Variants in DLG2 observed in about 807,000 individuals in gnomAD.
DLG2 encodes disks large homolog 2.
Under a neutral mutation model 132.5 loss-of-function variants are expected in DLG2, and 45 were observed. The observed-to-expected ratio is 0.34, with a 90% CI of 0.27 to 0.44. DLG2 has a LOEUF of 0.44. DLG2 is among the 20% of genes least tolerant of loss of function. The pLI is 1.00. For synonymous variants in DLG2, 424 were observed against 419.6 expected, an observed-to-expected ratio of 1.01 and a Z score of -0.13; for missense variants, 1,045 against 1,196.9, an observed-to-expected ratio of 0.87 and a Z score of 1.87.
At chr11:85,353,658 A>G (rs547135040) in intron 3 of DLG2, among the ~76,000 whole-genome samples, 13 of 152,324 alleles carry the variant, frequency 8.5e-5, no homozygotes, top group Admixed American at 7.2e-4. Flanking sequence ...CTATGCAGCT[A>G]TAAAGAAGGA....
At chr11:83,512,324 C>T (rs948677443) in intron 21 of DLG2, among the ~76,000 whole-genome samples, 4 of 152,074 alleles carry the variant, frequency 2.6e-5, no homozygotes, top group Admixed American at 6.5e-5. Flanking sequence ...GAAATACATT[C>T]GAGACGCAGT....
At chr11:84,994,072 G>T (rs1027951002) in intron 6 of DLG2, among the ~76,000 whole-genome samples, 1 of 152,142 alleles carries the variant, frequency 6.6e-6, no homozygotes, top group Non-Finnish European at 1.5e-5. Flanking sequence ...ATTTAAAAAA[G>T]TGACACTTTG....
chr11:85,012,289 A>G (rs61909105), intron 6 of DLG2, among the ~76,000 whole-genome samples: 1 of 73,788 alleles, frequency 1.4e-5, no homozygotes, highest in South Asian at 4.0e-4. Flanking sequence ...CACTTTGGGA[A>G]GCTAAGGCGG....
At chr11:84,114,009 C>T (rs1796205534) in intron 9 of DLG2, among the ~76,000 whole-genome samples, 1 of 151,804 alleles carries the variant, frequency 6.6e-6, no homozygotes, top group Non-Finnish European at 1.5e-5. Context: ...TTAAATTAAG[C>T]CAGACATTAA....
chr11:85,013,914 G>C (rs1474719954), intron 6 of DLG2, among the ~76,000 whole-genome samples: 1 of 152,076 alleles, frequency 6.6e-6, no homozygotes, highest in Non-Finnish European at 1.5e-5. Flanking sequence ...ATTAGAATGA[G>C]TGATTTTTCT....
At chr11:84,078,443 T>G (rs750123491) in intron 10 of DLG2, among the ~76,000 whole-genome samples, 7 of 152,210 alleles carry the variant, frequency 4.6e-5, no homozygotes, top group Non-Finnish European at 8.8e-5. Context: ...AGTCACCGAC[T>G]TTCTCATGCC....
intron 7 of DLG2, among the ~76,000 whole-genome samples, chr11:84,356,761 C>G (rs2098614954): frequency 6.6e-6 from 1 of 151,748 alleles, no homozygotes; most frequent in Non-Finnish European, 1.5e-5. Context: ...GAAAGAGGAT[C>G]AGATAATGCC....
chr11:84,176,863 TTG>T (rs1257015478), intron 8 of DLG2, among the ~76,000 whole-genome samples: 3 of 151,420 alleles, frequency 2.0e-5, no homozygotes, highest in South Asian at 2.1e-4. Flanking sequence ...GCTTGCTTGC[TTG>T]CTCTCTCTCT....
At chr11:83,665,366 G>A (rs1329666870) in intron 18 of DLG2, among the ~76,000 whole-genome samples, 2 of 152,188 alleles carry the variant, frequency 1.3e-5, no homozygotes, top group Admixed American at 1.3e-4. Context: ...AGTGAATAAG[G>A]CACATCATCT....
intron 19 of DLG2, among the ~76,000 whole-genome samples, chr11:83,604,965 G>T (rs1288982240): frequency 1.3e-5 from 2 of 149,866 alleles, no homozygotes; most frequent in Non-Finnish European, 3.0e-5. Context: ...TTAATGTTAG[G>T]TGCCATATAA....
intron 18 of DLG2, among the ~76,000 whole-genome samples, chr11:83,710,761 C>G (rs1566647201): frequency 6.6e-6 from 1 of 152,046 alleles, no homozygotes; most frequent in Admixed American, 6.5e-5. Context: ...TTTCTGACTC[C>G]AAATCCTATG....
chr11:84,358,962 T>C (rs1171480219), intron 7 of DLG2, among the ~76,000 whole-genome samples: 4 of 151,922 alleles, frequency 2.6e-5, no homozygotes, highest in Admixed American at 6.6e-5. Context: ...TACATTGTTC[T>C]TTACTTGTCA....
rs117145943 is a variant in DLG2, at chr11:83,501,671, G to T, written c.2194-17443C>A. Among the ~76,000 whole-genome samples the T allele has an allele frequency of 8.1e-3, 1,226 of 152,180 alleles. 6 individuals are homozygous for T. The highest frequency in any genetic ancestry group is 0.034 in the Middle Eastern group (10 of 294). ...TTTTCTATTTTAGCATTCTCTAAAT[G>T]CATTGCTAATTGAGGGTATTATTTT... On this transcript the variant is annotated intron_variant, in intron 21 of 27. Coordinates refer to ENST00000376104, the MANE Select transcript of DLG2 (RefSeq NM_001142699.3).
chr11:84,605,691 A>T lies in DLG2; in HGVS notation c.358-70960T>A, dbSNP rs141612658. On this transcript the variant is annotated intron_variant, in intron 6 of 27. Transcript: ENST00000376104. ...GTAATCCTCTGCAAAAAATCCCAGA[A>T]CTCCTGTCTATTAGAAAGGTGTTTG... 3.3e-3 allele frequency among the ~76,000 whole-genome samples: 497 copies of T among 151,862 alleles called. 2 individuals carry two copies. The highest frequency in any genetic ancestry group is 0.012 in the African/African-American group (487 of 41,464).
intron 17 of DLG2, among the ~76,000 whole-genome samples, chr11:83,792,121 GT>G (rs1011945847): frequency 2.2e-4 from 33 of 152,248 alleles, no homozygotes; most frequent in African/African-American, 5.8e-4. Flanking sequence ...TGTTATGGAT[GT>G]CCCAGCACTT....
chr11:84,613,691 T>C (rs1260219800), intron 6 of DLG2, among the ~76,000 whole-genome samples: 1 of 152,166 alleles, frequency 6.6e-6, no homozygotes, highest in African/African-American at 2.4e-5. Context: ...AAGGATGAGA[T>C]GAGAAGGATA....
chr11:85,317,854 A>G (rs1206101329), intron 3 of DLG2, among the ~76,000 whole-genome samples: 1 of 151,742 alleles, frequency 6.6e-6, no homozygotes, highest in African/African-American at 2.4e-5. Context: ...AACAATCCCC[A>G]TGACACAATT....
At chr11:83,956,429 C>A (rs11233857) in intron 14 of DLG2, among the ~76,000 whole-genome samples, 11,632 of 152,220 alleles carry the variant, frequency 0.076, 603 homozygotes, top group Non-Finnish European at 0.12. Flanking sequence ...ATTATGGGCA[C>A]CCTCACCTGG....
At chr11:84,600,286 G>A (rs144091422) in intron 6 of DLG2, among the ~76,000 whole-genome samples, 2 of 152,130 alleles carry the variant, frequency 1.3e-5, no homozygotes, top group African/African-American at 2.4e-5. Flanking sequence ...CGGACACAGG[G>A]AGGAGTATGA....
Sources: allele counts gnomAD v4.1 joint callset (sites outside exome capture counted in the v4.1 genomes callset), GRCh38; gene constraint gnomAD v4.1.1; transcripts MANE v1.5; gene names NCBI Gene and HGNC (gene_info 2026-07-23, HGNC 2026-07-21).